Variants in BTRC observed in about 807,000 individuals in gnomAD.
BTRC encodes the protein beta-transducin repeat containing E3 ubiquitin protein ligase.
BTRC carries 42 observed loss-of-function variants against 85.5 expected under a neutral mutation model. The observed-to-expected ratio is 0.49, with a 90% CI of 0.38 to 0.64. BTRC has a LOEUF of 0.64. Ranked by LOEUF, BTRC falls within the 30% of genes least tolerant of loss-of-function variation. BTRC has a pLI of 0.00. For synonymous variants in BTRC, 255 were observed against 263.3 expected (o/e 0.97, Z 0.30); for missense variants, 594 against 743.5 (o/e 0.80, Z 2.34).
chr10:101,529,857 A>G (rs2062253692), intron 6 of BTRC, among the ~76,000 whole-genome samples: 1 of 152,206 alleles, frequency 6.6e-6, no homozygotes, highest in South Asian at 2.1e-4. Context: ...TGACTGGCCC[A>G]GAGAAAACAT....
intron 3 of BTRC, among the ~76,000 whole-genome samples, chr10:101,462,417 C>A (rs1184940631): frequency 6.6e-6 from 1 of 152,140 alleles, no homozygotes; most frequent in Non-Finnish European, 1.5e-5. Flanking sequence ...AGGTGGCTAA[C>A]GCCTATAATC....
intron 3 of BTRC, among the ~76,000 whole-genome samples, chr10:101,464,191 A>G (rs1344628561): frequency 6.6e-6 from 1 of 152,222 alleles, no homozygotes; most frequent in Non-Finnish European, 1.5e-5. Flanking sequence ...TTCTCTCTGC[A>G]AAGTTATAAA....
chr10:101,423,418 T>C (rs1944162024), intron 1 of BTRC, among the ~76,000 whole-genome samples: 1 of 152,234 alleles, frequency 6.6e-6, no homozygotes, highest in Non-Finnish European at 1.5e-5. Flanking sequence ...TACAATAAAA[T>C]TAAAGTCTGT....
intron 1 of BTRC, among the ~76,000 whole-genome samples, chr10:101,383,418 G>C (rs567543846): frequency 1.3e-5 from 2 of 149,202 alleles, no homozygotes; most frequent in Non-Finnish European, 3.0e-5. Flanking sequence ...AAAAAGGCTA[G>C]TCAAGTTCTG....
At chr10:101,414,341 T>C (rs769129159) in intron 1 of BTRC, among the ~76,000 whole-genome samples, 4 of 152,190 alleles carry the variant, frequency 2.6e-5, no homozygotes, top group Non-Finnish European at 2.9e-5. Context: ...CAATGTAACG[T>C]CATATAATGC....
chr10:101,543,388 C>T (rs1201215429), intron 13 of BTRC, among the ~76,000 whole-genome samples: 5 of 149,692 alleles, frequency 3.3e-5, no homozygotes, highest in Non-Finnish European at 7.4e-5. Context: ...TATTCTTTTA[C>T]TTTTAATATG....
chr10:101,490,565 A>G (rs1298261423), intron 4 of BTRC, among the ~76,000 whole-genome samples: 2 of 152,190 alleles, frequency 1.3e-5, no homozygotes, highest in Admixed American at 6.5e-5. Context: ...CCTTTCAGGT[A>G]GTATTTGGAG....
At chr10:101,463,314 G>T (rs1305257451) in intron 3 of BTRC, among the ~76,000 whole-genome samples, 8 of 152,104 alleles carry the variant, frequency 5.3e-5, no homozygotes, top group African/African-American at 1.9e-4. Flanking sequence ...AAAGTGCTGG[G>T]ATTACAGGCA....
chr10:101,462,679 CAAA>C (rs564048359), intron 3 of BTRC, among the ~76,000 whole-genome samples: 6 of 99,324 alleles, frequency 6.0e-5, no homozygotes, highest in Non-Finnish European at 5.8e-5. Context: ...AACTCCGTCT[CAAA>C]AAAAAAAAAA....
intron 8 of BTRC, among the ~76,000 whole-genome samples, 162 bp from the exon 9 acceptor site, chr10:101,532,790 G>A (rs1224511118): frequency 2.9e-5 from 2 of 70,160 alleles, no homozygotes; most frequent in East Asian, 6.8e-4. Flanking sequence ...GTGTGTGTGT[G>A]CGCGTGTGCG....
At chr10:101,427,396 G>T (rs7902379) in intron 1 of BTRC, among the ~76,000 whole-genome samples, 55,967 of 150,092 alleles carry the variant, frequency 0.37, 11,552 homozygotes, top group Middle Eastern at 0.51. Context: ...GATTACAGGC[G>T]TGAGCCACCG....
intron 1 of BTRC, among the ~76,000 whole-genome samples, chr10:101,357,742 CT>C (rs1445590920): frequency 2.6e-5 from 4 of 152,136 alleles, no homozygotes; most frequent in African/African-American, 9.7e-5. Flanking sequence ...CAATAAAATC[CT>C]GTTAATAAGA....
intron 1 of BTRC, among the ~76,000 whole-genome samples, chr10:101,377,338 A>G (rs936316808): frequency 6.6e-6 from 1 of 152,242 alleles, no homozygotes; most frequent in Non-Finnish European, 1.5e-5. Flanking sequence ...GTGATTATAA[A>G]TAAAGCTGCT....
intron 7 of BTRC, among the ~76,000 whole-genome samples, chr10:101,531,642 AC>A (rs1438672428): frequency 6.6e-6 from 1 of 151,896 alleles, no homozygotes; most frequent in Non-Finnish European, 1.5e-5. Context: ...AATCACTTGA[AC>A]CTGGGAGGCA....
intron 3 of BTRC, among the ~76,000 whole-genome samples, chr10:101,478,712 CAT>C (rs1385617688): frequency 6.7e-6 from 1 of 149,480 alleles, no homozygotes; most frequent in Non-Finnish European, 1.5e-5. Flanking sequence ...GTCCCAGAGG[CAT>C]AGATTGCAGA....
rs756573674 is a variant in BTRC at position 101,527,788 on chromosome 10, T to TA, written c.743+1589_743+1590insA. On this transcript the variant is annotated intron_variant, in intron 6 of 14. Transcript: ENST00000370187. The stretch of plus-strand genomic sequence containing the variant: ...CTCTCTCTCTCTCTCTCTCTCTCTC[T>TA]CTCACATACACACACACACACACAC... Among the ~76,000 whole-genome samples, 1,097 of 123,922 alleles carry TA rather than the reference T, an allele frequency of 8.9e-3. 7 individuals are homozygous for TA. The highest frequency in any genetic ancestry group is 0.013 in the South Asian group (54 of 4,098). 81.3% of individuals were successfully genotyped at this position (123,922 alleles called of 152,430 possible). A position where few individuals can be genotyped will look rare whatever the true frequency, so the allele number is the denominator to read the frequency against.
rs545657171 is a variant in BTRC, at chr10:101,434,526, G to A, written c.156+4074G>A. Among the ~76,000 whole-genome samples the A allele has an allele frequency of 2.1e-3, 319 of 152,130 alleles. 3 individuals carry two copies. The highest frequency in any genetic ancestry group is 7.2e-3 in the African/African-American group (297 of 41,516). Reference sequence around the variant, plus strand: ...AATAATCATTGTGACTTTGGGTTAGGCAGAGATTTCTTAGCTAAGATACAA... The same window carrying A: ...AATAATCATTGTGACTTTGGGTTAGACAGAGATTTCTTAGCTAAGATACAA... On this transcript the variant is annotated intron_variant, in intron 2 of 14. Transcript: ENST00000370187.
chr10:101,522,190 G>A (rs1331473897), intron 5 of BTRC, among the ~76,000 whole-genome samples: 36 of 145,186 alleles, frequency 2.5e-4, no homozygotes, highest in African/African-American at 8.3e-4. Context: ...ACAGGCGCCC[G>A]CCACCACACT....
At chr10:101,389,009 A>G (rs1384488097) in intron 1 of BTRC, among the ~76,000 whole-genome samples, 1 of 149,160 alleles carries the variant, frequency 6.7e-6, no homozygotes, top group Non-Finnish European at 1.5e-5. Context: ...TGGGCTGATG[A>G]TTTCTAATGG....
Sources: allele counts gnomAD v4.1 joint callset (sites outside exome capture counted in the v4.1 genomes callset), GRCh38; gene constraint gnomAD v4.1.1; transcripts MANE v1.5; gene names NCBI Gene and HGNC (gene_info 2026-07-23, HGNC 2026-07-21).